The following MCTP1 variants were observed in gnomAD, a reference collection of about 807,000 sequenced individuals.
MCTP1 encodes the protein multiple C2 and transmembrane domain-containing protein 1.
In MCTP1, 69 loss-of-function variants were observed where a neutral mutation model predicts 120.6. The ratio of observed to expected loss-of-function variants is 0.57; its 90% CI spans 0.47 to 0.70. The LOEUF (loss-of-function observed/expected upper bound fraction) is 0.70, where lower values mean the gene tolerates loss of function less well. Among genes scored for constraint, MCTP1 ranks in the 30% least tolerant of loss-of-function variants. The probability of loss-of-function intolerance (pLI) is 0.00; values close to 1 mark genes in which losing one functional copy is unlikely to be tolerated. For synonymous variants in MCTP1, 529 were observed against 493.1 expected, an observed-to-expected ratio of 1.07 and a Z score of -0.96; for missense variants, 1,203 against 1,248.8, an observed-to-expected ratio of 0.96 and a Z score of 0.55.
chr5:94,714,816 A>T lies in MCTP1; in HGVS notation c.2681T>A (p.Ile894Asn). The change falls in exon 20 of 23, where the codon ATC becomes AAC. Residue 894 changes from isoleucine (I) to asparagine (N), a missense_variant. Physicochemically the swap from Ile to Asn is moderately radical, Grantham distance 149. Around this residue, in one of 2 missense-constraint regions of MCTP1, gnomAD observed 740 missense variants for 871.1 expected, o/e 0.85. Transcript: ENST00000515393. ...IQEVCVSVQN[I>N]LDEVASFGER... ...GCCAAAGGAAGCCACTTCATCTAGG[A>T]TGTTCTGGACACTGACACATACCTC... is the stretch of plus-strand genomic sequence containing the variant. 1 of 1,612,396 alleles carries T rather than the reference A, an allele frequency of 6.2e-7. No homozygotes were observed. The highest frequency in any genetic ancestry group is 1.3e-5 in the African/African-American group (1 of 74,970).
At chr5:95,141,889 G>A (rs1343843110) in intron 1 of MCTP1, among the ~76,000 whole-genome samples, 1 of 152,048 alleles carries the variant, frequency 6.6e-6, no homozygotes, top group African/African-American at 2.4e-5. Flanking sequence ...AAAAGTTATT[G>A]GTAAAGACTT....
At chr5:95,230,993 A>G (rs950102670) in intron 1 of MCTP1, among the ~76,000 whole-genome samples, 1 of 152,182 alleles carries the variant, frequency 6.6e-6, no homozygotes, top group East Asian at 1.9e-4. Context: ...ATGCAAATAG[A>G]GGTAGAGGAT....
At chr5:94,992,773 C>G (rs1026148538) in intron 2 of MCTP1, among the ~76,000 whole-genome samples, 2 of 113,272 alleles carry the variant, frequency 1.8e-5, no homozygotes, top group African/African-American at 5.4e-5. Flanking sequence ...CCTGTGTTGG[C>G]CCCCATCCCT....
chr5:95,225,631 C>T (rs1276504465), intron 1 of MCTP1, among the ~76,000 whole-genome samples: 1 of 152,168 alleles, frequency 6.6e-6, no homozygotes, highest in Non-Finnish European at 1.5e-5. Flanking sequence ...TTTACTCTTC[C>T]CCTTCCACTT....
chr5:94,860,531 T>C (rs1397715540), intron 17 of MCTP1, among the ~76,000 whole-genome samples: 1 of 151,790 alleles, frequency 6.6e-6, no homozygotes, highest in African/African-American at 2.4e-5. Context: ...ATATAGTTAA[T>C]AATTTTGCAT....
At chr5:94,973,935 A>G (rs568529106) in intron 2 of MCTP1, among the ~76,000 whole-genome samples, 2 of 152,234 alleles carry the variant, frequency 1.3e-5, no homozygotes, top group Admixed American at 6.5e-5. Flanking sequence ...GCACATAGAT[A>G]GAAATGGAGA....
Position 95,151,168 on chromosome 5 carries a change from G to A in MCTP1, c.720+132688C>T, listed in dbSNP as rs142347514. On this transcript the variant is annotated intron_variant, in intron 1 of 22. Coordinates refer to ENST00000515393, the MANE Select transcript of MCTP1 (RefSeq NM_024717.7). ...ATATATATATATAGTATTTTTAGTA[G>A]AGATGAGGTTTTGCCATGTTGCCCA... Among the ~76,000 whole-genome samples, 1,033 of 135,150 alleles carry A rather than the reference G, an allele frequency of 7.6e-3. 9 individuals are homozygous for A. The highest frequency in any genetic ancestry group is 0.014 in the South Asian group (52 of 3,812). The allele number at this position is 135,150 out of a possible 152,430, so 88.7% of individuals were successfully genotyped here.
intron 19 of MCTP1, among the ~76,000 whole-genome samples, chr5:94,749,335 C>G (rs114801997): frequency 5.1e-4 from 77 of 152,256 alleles, no homozygotes; most frequent in Non-Finnish European, 7.8e-4. Context: ...CTGGAACCTA[C>G]TTTTGAAGAA....
rs71910468 is a variant in MCTP1 at position 95,284,679 on chromosome 5, TGGCGGC to T, written c.-110_-105del. 130 of 980,250 alleles carry T rather than the reference TGGCGGC, an allele frequency of 1.3e-4. No individual in the cohort carries two copies. The highest frequency in any genetic ancestry group is 3.1e-4 in the East Asian group (9 of 28,820). The allele number at this position is 980,250 out of a possible 1,614,324, so 60.7% of individuals were successfully genotyped here. A position where few individuals can be genotyped will look rare whatever the true frequency, so the allele number is the denominator to read the frequency against. ...TCCCGGGTCCCCGCGGCGCTGGCGGTGGCGGCGGCGGCGGCGGCGGGCGCAGCAGCA... is the reference window on the plus strand; with the variant it reads ...TCCCGGGTCCCCGCGGCGCTGGCGGTGGCGGCGGCGGCGGGCGCAGCAGCA... On this transcript the variant is annotated 5_prime_UTR_variant, in exon 1 of 23. Coordinates refer to ENST00000515393, the MANE Select transcript of MCTP1 (RefSeq NM_024717.7). The surrounding 1 kb of genome is among the most constrained non-coding windows in gnomAD (Gnocchi z 5.2).
intron 6 of MCTP1, chr5:94,931,657 T>C (rs964749484): frequency 1.4e-4 from 46 of 324,450 alleles, no homozygotes; most frequent in African/African-American, 9.6e-4. Context: ...AGCCTCATCA[T>C]TTTATTCCTG....
At chr5:94,768,331 G>A (rs1403057115) in intron 19 of MCTP1, among the ~76,000 whole-genome samples, 2 of 152,128 alleles carry the variant, frequency 1.3e-5, no homozygotes, top group Admixed American at 1.3e-4. Flanking sequence ...AAATACATCA[G>A]GACATTGGTC....
rs1219938063 is a variant in MCTP1, at chr5:94,705,054, T to C, written c.*2442A>G. The C allele has an allele frequency of 6.6e-6, 1 of 151,458 alleles. No individual in the cohort carries two copies. Among genetic ancestry groups the C allele is most frequent in the Non-Finnish European group, 1.5e-5 (1 of 67,618 alleles). The allele number at this position is 151,458 out of a possible 1,614,324, so 9.4% of individuals were successfully genotyped here. On this transcript the variant is annotated 3_prime_UTR_variant, in exon 23 of 23. Transcript: ENST00000515393. Reference sequence around the variant, plus strand: ...CTCAGTGAATTTACTCACTAAAAGATACTAAAGGAATATATTTAGTAGTTC... The same window carrying C: ...CTCAGTGAATTTACTCACTAAAAGACACTAAAGGAATATATTTAGTAGTTC...
chr5:94,827,060 G>C (rs1580893665), intron 17 of MCTP1, among the ~76,000 whole-genome samples: 1 of 152,138 alleles, frequency 6.6e-6, no homozygotes, highest in Middle Eastern at 3.4e-3. Flanking sequence ...TTTCCTTATA[G>C]TGTCAATGGG....
chr5:95,089,135 T>C (rs1399574988), intron 1 of MCTP1, among the ~76,000 whole-genome samples: 1 of 152,184 alleles, frequency 6.6e-6, no homozygotes, highest in Non-Finnish European at 1.5e-5. Flanking sequence ...CACCATAAAA[T>C]ACTATAGGTC....
chr5:94,840,251 G>A (rs159603), intron 17 of MCTP1, among the ~76,000 whole-genome samples: 135,787 of 152,254 alleles, frequency 0.89, 60,882 homozygotes, highest in African/African-American at 0.98. Context: ...TGGAAGAAAC[G>A]GTAAAGAGAA....
At chr5:95,259,594 A>G (rs1758266739) in intron 1 of MCTP1, among the ~76,000 whole-genome samples, 1 of 152,182 alleles carries the variant, frequency 6.6e-6, no homozygotes, top group Admixed American at 6.5e-5. Context: ...ATAATTACAA[A>G]AAAACCATTG....
At chr5:95,169,805 G>A (rs1746979730) in intron 1 of MCTP1, among the ~76,000 whole-genome samples, 1 of 152,048 alleles carries the variant, frequency 6.6e-6, no homozygotes, top group South Asian at 2.1e-4. Context: ...TATCAGCCTG[G>A]CTAGCAGTCT....
At chr5:95,271,203 A>G (rs1005800606) in intron 1 of MCTP1, among the ~76,000 whole-genome samples, 1 of 152,210 alleles carries the variant, frequency 6.6e-6, no homozygotes, top group Admixed American at 6.5e-5. Flanking sequence ...AATTAAGAGG[A>G]TGAAGAAAGT....
chr5:94,857,287 T>C, intron 17 of MCTP1, among the ~76,000 whole-genome samples: 1 of 151,750 alleles, frequency 6.6e-6, no homozygotes, highest in Non-Finnish European at 1.5e-5. Context: ...AAATGCATCT[T>C]GAGCAGAACA....
Sources: allele counts gnomAD v4.1 joint callset (sites outside exome capture counted in the v4.1 genomes callset), GRCh38; gene constraint gnomAD v4.1.1; regional missense constraint gnomAD v4.1.1; non-coding constraint Gnocchi (gnomAD v3.1); transcripts MANE v1.5; gene names NCBI Gene and HGNC (gene_info 2026-07-23, HGNC 2026-07-21).